Variants in IFT46 observed in about 807,000 individuals in gnomAD.
The protein encoded by IFT46 is intraflagellar transport 46, also known as intraflagellar transport protein 46 homolog.
In IFT46, 19 loss-of-function variants were observed where a neutral mutation model predicts 39.6. The observed-to-expected ratio is 0.48, with a 90% CI of 0.33 to 0.70. The LOEUF is 0.70. Ranked by LOEUF, IFT46 falls within the 30% of genes least tolerant of loss-of-function variation. The pLI is 0.01. For missense variants in IFT46, 334 were observed against 364.8 expected, an observed-to-expected ratio of 0.92 and a Z score of 0.69; for synonymous variants, 117 against 134.8, an observed-to-expected ratio of 0.87 and a Z score of 0.91.
At chr11:118,563,808 T>C (rs1439733373) in intron 2 of IFT46, among the ~76,000 whole-genome samples, 5 of 152,164 alleles carry the variant, frequency 3.3e-5, no homozygotes, top group African/African-American at 9.7e-5. Context: ...TCTCACATAC[T>C]GTTTCCTCTT....
At chr11:118,576,865 T>G (rs9736327), upstream of IFT46, among the ~76,000 whole-genome samples, 25,219 of 152,100 alleles carry the variant, frequency 0.17, 2,662 homozygotes, top group East Asian at 0.53. Context: ...TTACCCTACT[T>G]CTTTCTTCAT....
chr11:118,566,414 C>T (rs1938226692), upstream of IFT46, among the ~76,000 whole-genome samples: 2 of 152,228 alleles, frequency 1.3e-5, no homozygotes, highest in South Asian at 2.1e-4. Context: ...CTCTGTGGGC[C>T]GGGCGCGGTG....
intron 1 of IFT46, chr11:118,572,485 C>G: frequency 6.3e-7 from 1 of 1,594,466 alleles, no homozygotes. Context: ...CTCCCGTTCC[C>G]CAGACCCTAC....
chr11:118,565,204 T>G (rs1591373280), intron 1 of IFT46, 143 bp from the exon 2 acceptor site: 1 of 152,114 alleles, frequency 6.6e-6, no homozygotes, highest in East Asian at 1.9e-4. Context: ...ATCCAAACTT[T>G]CCTTCAGGCT....
intron 9 of IFT46, among the ~76,000 whole-genome samples, chr11:118,549,722 A>G (rs1197992902): frequency 1.3e-5 from 2 of 151,468 alleles, no homozygotes; most frequent in Non-Finnish European, 2.9e-5. Flanking sequence ...ATGGGGTTTC[A>G]CCATGTTGGC....
intron 2 of IFT46, chr11:118,560,705 G>C (rs1938025465): frequency 1.6e-6 from 1 of 615,608 alleles, no homozygotes; most frequent in Non-Finnish European, 2.9e-6. Flanking sequence ...GTTTATTAAA[G>C]TTGTTAAGAA....
intron 9 of IFT46, 133 bp from the exon 10 acceptor site, chr11:118,545,986 C>G: frequency 1.3e-6 from 1 of 761,864 alleles, no homozygotes; most frequent in Non-Finnish European, 2.4e-6. Context: ...CCCTAAAATT[C>G]AGATATTGAG....
Position 118,561,094 on chromosome 11 carries a change from T to C in IFT46, c.-35-1230A>G, listed in dbSNP as rs534770875. ...ATGAATACAATGTGGAAAGCATTGA[T>C]GGTCAGCCAGGTGCCTTTACCTGCT... On this transcript the variant is annotated intron_variant, in intron 2 of 11. Transcript: ENST00000264021. 149 of 1,526,264 alleles carry C rather than the reference T, an allele frequency of 9.8e-5. No individual in the cohort carries two copies. In the South Asian group the frequency reaches 1.6e-3, roughly 17 times the overall value. The allele number at this position is 1,526,264 out of a possible 1,614,324, so 94.5% of individuals were successfully genotyped here.
intron 9 of IFT46, among the ~76,000 whole-genome samples, chr11:118,550,216 T>A (rs1330180051): frequency 2.6e-5 from 4 of 151,962 alleles, no homozygotes; most frequent in African/African-American, 4.8e-5. Context: ...GGATTACAGG[T>A]GTGAGCCACC....
chr11:118,550,953 C>T (rs533484046), intron 9 of IFT46, among the ~76,000 whole-genome samples: 1 of 141,860 alleles, frequency 7.0e-6, no homozygotes, highest in Middle Eastern at 3.6e-3. Flanking sequence ...CTTGAACCTG[C>T]GGGGGGTACG....
At chr11:118,560,470 G>C (rs1938013155) in intron 2 of IFT46, 1 of 158,604 alleles carries the variant, frequency 6.3e-6, no homozygotes, top group African/African-American at 2.7e-5. Flanking sequence ...GGGAGGGGAG[G>C]GGAGGGGGAA....
At chr11:118,576,171 T>G (rs1938495079), upstream of IFT46, among the ~76,000 whole-genome samples, 1 of 152,092 alleles carries the variant, frequency 6.6e-6, no homozygotes, top group Admixed American at 6.6e-5. Context: ...TTTTTTTACT[T>G]GAGGCACTTA....
At chr11:118,567,698 A>T (rs540435803), upstream of IFT46, among the ~76,000 whole-genome samples, 3 of 152,376 alleles carry the variant, frequency 2.0e-5, no homozygotes, top group Admixed American at 2.0e-4. Context: ...TTTCTGGCAT[A>T]CTGATAGTTA....
upstream of IFT46, among the ~76,000 whole-genome samples, chr11:118,569,067 G>A (rs1330509195): frequency 2.6e-5 from 4 of 151,670 alleles, no homozygotes; most frequent in African/African-American, 9.7e-5. Context: ...GATCACTTGA[G>A]GTTAGGAGTT....
At chr11:118,575,712 A>G (rs953376199), upstream of IFT46, among the ~76,000 whole-genome samples, 1 of 152,210 alleles carries the variant, frequency 6.6e-6, no homozygotes, top group Non-Finnish European at 1.5e-5. Flanking sequence ...GAAGGTGACT[A>G]TAATTCTGGA....
intron 10 of IFT46, 108 bp downstream of exon 10, chr11:118,545,685 T>C (rs1306244002): frequency 5.4e-6 from 7 of 1,299,542 alleles, no homozygotes; most frequent in Non-Finnish European, 6.7e-6. Context: ...GGGCTTAAAG[T>C]GAAGGCTGAA....
Position 118,551,786 on chromosome 11 carries a change from C to G in IFT46, c.672G>C (p.Lys224Asn), listed in dbSNP as rs1457727574. 1 of 1,613,638 alleles carries G rather than the reference C, an allele frequency of 6.2e-7. No homozygotes were observed. The highest frequency in any genetic ancestry group is 1.3e-5 in the African/African-American group (1 of 74,910). The change falls in exon 9 of 12, where the codon AAG becomes AAC. Residue 224 changes from lysine (K) to asparagine (N), a missense_variant and splice_region_variant. Lys to Asn is a moderately conservative substitution (Grantham distance 94). Coordinates refer to ENST00000264021, the MANE Select transcript of IFT46 (RefSeq NM_001168618.2). ...CTACCTCCTGCTACCTTCCACTCACCTTGCCCAAAAGCTCTTCAAACTCCG... is the reference window on the plus strand; with the variant it reads ...CTACCTCCTGCTACCTTCCACTCACGTTGCCCAAAAGCTCTTCAAACTCCG... ...WSPEFEELLG[K>N]VSLPTAEIDC...
chr11:118,551,565 T>C (rs1449540877), intron 9 of IFT46, among the ~76,000 whole-genome samples: 1 of 148,462 alleles, frequency 6.7e-6, no homozygotes, highest in Non-Finnish European at 1.5e-5. Context: ...TCCCAGCTAC[T>C]GGTAAGGCTG....
chr11:118,561,266 G>A (rs1938046475), intron 2 of IFT46: 2 of 1,331,852 alleles, frequency 1.5e-6, no homozygotes, highest in Non-Finnish European at 2.1e-6. Flanking sequence ...TAATGCAGAA[G>A]TACACCAGAA....
Sources: gnomAD v4.1 joint callset for allele counts (sites outside exome capture counted in the v4.1 genomes callset) on GRCh38, gnomAD v4.1.1 for gene constraint, MANE v1.5 for transcripts, NCBI Gene and HGNC (gene_info 2026-07-23, HGNC 2026-07-21) for gene names.